The following TEX9 variants were observed in gnomAD, a reference collection of about 807,000 sequenced individuals.
TEX9 encodes testis-expressed protein 9.
TEX9 carries 74 observed loss-of-function variants against 59.6 expected under a neutral mutation model. The observed-to-expected ratio is 1.24, with a 90% CI of 1.03 to 1.51. The LOEUF is 1.51. Among genes scored for constraint, TEX9 ranks in the 40% most tolerant of loss-of-function variants. The probability of loss-of-function intolerance (pLI) is 0.00; values close to 1 mark genes in which losing one functional copy is unlikely to be tolerated. For missense variants in TEX9, 522 were observed against 447.8 expected (o/e 1.17, Z -1.49); for synonymous variants, 186 against 152.2 (o/e 1.22, Z -1.64).
chr15:56,282,456 C>T (rs191080193), intron 1 of TEX9, among the ~76,000 whole-genome samples: 6 of 152,182 alleles, frequency 3.9e-5, no homozygotes, highest in African/African-American at 1.2e-4. Context: ...GGGTGTCCAC[C>T]GTTACCATTA....
chr15:56,401,324 A>AAC (rs1399338715), intron 9 of TEX9, among the ~76,000 whole-genome samples: 7 of 150,442 alleles, frequency 4.7e-5, no homozygotes, highest in African/African-American at 1.7e-4. Context: ...AAAAAAAAAA[A>AAC]AAAAAAAACA....
At chr15:56,421,275 A>G (rs2140229512) in intron 10 of TEX9, among the ~76,000 whole-genome samples, 1 of 151,964 alleles carries the variant, frequency 6.6e-6, no homozygotes, top group African/African-American at 2.4e-5. Context: ...ATCCTCTTGA[A>G]TGAATTGACC....
At chr15:56,391,531 G>C in intron 7 of TEX9, 113 bp downstream of exon 7, 1 of 707,226 alleles carries the variant, frequency 1.4e-6, no homozygotes, top group Non-Finnish European at 2.1e-6. Context: ...GTCTTGGTTT[G>C]TTTCAGAATT....
intron 1 of TEX9, among the ~76,000 whole-genome samples, chr15:56,302,734 C>T (rs1416596487): frequency 6.6e-6 from 1 of 152,074 alleles, no homozygotes; most frequent in African/African-American, 2.4e-5. Context: ...TGTAGATAGA[C>T]TAAAGTCTTC....
intron 12 of TEX9, chr15:56,431,570 T>G: frequency 2.7e-6 from 4 of 1,482,000 alleles, no homozygotes; most frequent in Non-Finnish European, 3.7e-6. Flanking sequence ...ATAAAACTAC[T>G]CATGCAATGA....
chr15:56,344,351 A>G (rs1567092883), intron 1 of TEX9, among the ~76,000 whole-genome samples: 1 of 152,206 alleles, frequency 6.6e-6, no homozygotes, highest in Non-Finnish European at 1.5e-5. Context: ...TGAATGAAGG[A>G]TTGATAAATG....
At chr15:56,300,833 A>G (rs2045344430) in intron 1 of TEX9, among the ~76,000 whole-genome samples, 1 of 152,150 alleles carries the variant, frequency 6.6e-6, no homozygotes, top group Non-Finnish European at 1.5e-5. Flanking sequence ...AAATACTTAG[A>G]TCACAAGATT....
intron 3 of TEX9, among the ~76,000 whole-genome samples, chr15:56,381,344 A>G (rs2047716822): frequency 2.0e-5 from 3 of 152,130 alleles, no homozygotes; most frequent in Admixed American, 2.0e-4. Context: ...CAAAACAGCT[A>G]TTTTGAATTC....
At chr15:56,253,018 T>TG (rs1168635250) in intron 1 of TEX9, among the ~76,000 whole-genome samples, 3 of 152,156 alleles carry the variant, frequency 2.0e-5, no homozygotes, top group African/African-American at 7.2e-5. Context: ...AGGAATAGAT[T>TG]GATGGCAGGG....
intron 1 of TEX9, among the ~76,000 whole-genome samples, chr15:56,282,680 A>G (rs1453153153): frequency 2.0e-5 from 3 of 152,200 alleles, no homozygotes; most frequent in Admixed American, 1.3e-4. Flanking sequence ...GCTATTAATA[A>G]TACCTGAAGG....
rs79740888 is a variant in TEX9, at chr15:56,415,592, T to C, written c.963+3156T>C. Among the ~76,000 whole-genome samples, 8 of 152,000 alleles carry C rather than the reference T, an allele frequency of 5.3e-5. No individual in the cohort carries two copies. The South Asian group carries it at 1.0e-3, about 20-fold the overall frequency. Reference sequence around the variant, plus strand: ...ACTCTGTTCCATTGGTCTATGTGCCTGTTTTTGTAACAGTACCTGTTTTTG... The same window carrying C: ...ACTCTGTTCCATTGGTCTATGTGCCCGTTTTTGTAACAGTACCTGTTTTTG... On this transcript the variant is annotated intron_variant, in intron 10 of 12. Transcript: ENST00000352903.
Position 56,412,437 on chromosome 15 carries a change from G to A in TEX9, c.963+1G>A, listed in dbSNP as rs747649709. 2 of 1,603,648 alleles carry A rather than the reference G, an allele frequency of 1.2e-6. No homozygotes were observed. Among genetic ancestry groups the A allele is most frequent in the Non-Finnish European group, 1.7e-6 (2 of 1,177,322 alleles). On this transcript the variant is annotated splice_donor_variant, in intron 10 of 12. Coordinates refer to ENST00000352903, the Ensembl canonical transcript of TEX9. LOFTEE classifies it high-confidence loss of function. ...AAGTAAATTAAGGCAAAATAACAAGGTATGGAAAAATTGAATAGCTTTTGT... is the reference window on the plus strand; with the variant it reads ...AAGTAAATTAAGGCAAAATAACAAGATATGGAAAAATTGAATAGCTTTTGT...
intron 1 of TEX9, among the ~76,000 whole-genome samples, chr15:56,287,496 A>T (rs1013765943): frequency 4.6e-5 from 7 of 152,204 alleles, no homozygotes; most frequent in African/African-American, 1.7e-4. Flanking sequence ...AAACAAAGCT[A>T]TTTAACATCG....
At chr15:56,367,896 T>C (rs1016250376) in intron 2 of TEX9, among the ~76,000 whole-genome samples, 2 of 152,204 alleles carry the variant, frequency 1.3e-5, no homozygotes, top group Admixed American at 1.3e-4. Flanking sequence ...TCTTCAGTCC[T>C]GCTGAACTCT....
chr15:56,426,423 C>CTGAT (rs147625867), intron 10 of TEX9, among the ~76,000 whole-genome samples: 2,483 of 151,382 alleles, frequency 0.016, 66 homozygotes, highest in African/African-American at 0.056. Context: ...CTGCTGCTGA[C>CTGAT]TGACTGATTG....
intron 1 of TEX9, among the ~76,000 whole-genome samples, chr15:56,255,261 G>A (rs1235911398): frequency 6.6e-6 from 1 of 152,120 alleles, no homozygotes; most frequent in Non-Finnish European, 1.5e-5. Context: ...GGGGGCAGGT[G>A]AACCCCTGTT....
chr15:56,419,871 A>G (rs1366248994), intron 10 of TEX9, among the ~76,000 whole-genome samples: 5 of 151,946 alleles, frequency 3.3e-5, no homozygotes, highest in African/African-American at 9.7e-5. Context: ...AATGTCTGGT[A>G]GAGTCCACAG....
chr15:56,395,412 G>T (rs1160161019), intron 9 of TEX9: 1 of 152,140 alleles, frequency 6.6e-6, no homozygotes, highest in Non-Finnish European at 1.5e-5. Context: ...TCTACTGTCT[G>T]ACAATTTTAA....
intron 1 of TEX9, among the ~76,000 whole-genome samples, chr15:56,267,865 A>G (rs1317983917): frequency 1.3e-5 from 2 of 152,206 alleles, no homozygotes; most frequent in Non-Finnish European, 2.9e-5. Context: ...TTCTATGAAG[A>G]AAGTCATTGG....
Sources: gnomAD v4.1 joint callset for allele counts (sites outside exome capture counted in the v4.1 genomes callset) on GRCh38, gnomAD v4.1.1 for gene constraint, MANE v1.5 for transcripts, NCBI Gene and HGNC (gene_info 2026-07-23, HGNC 2026-07-21) for gene names.